The following CXADR variants were observed in gnomAD, a reference collection of about 807,000 sequenced individuals.
CXADR encodes coxsackievirus and adenovirus receptor.
In CXADR, 20 loss-of-function variants were observed where a neutral mutation model predicts 40.3. The ratio of observed to expected loss-of-function variants is 0.50; its 90% CI spans 0.35 to 0.72. CXADR has a LOEUF of 0.72. Ranked by LOEUF, CXADR falls within the 30% of genes least tolerant of loss-of-function variation. The probability of loss-of-function intolerance (pLI) is 0.01; values close to 1 mark genes in which losing one functional copy is unlikely to be tolerated. For synonymous variants in CXADR, 150 were observed against 161.3 expected (o/e 0.93, Z 0.53); for missense variants, 332 against 449.1 (o/e 0.74, Z 2.36).
intron 4 of CXADR, among the ~76,000 whole-genome samples, chr21:17,559,547 G>C (rs992988379): frequency 2.0e-5 from 3 of 151,624 alleles, no homozygotes; most frequent in South Asian, 4.2e-4. Flanking sequence ...AGAATAATCA[G>C]GATTTCCATA....
intron 7 of CXADR, among the ~76,000 whole-genome samples, chr21:17,579,693 T>C (rs2123376515): frequency 1.3e-5 from 2 of 152,226 alleles, no homozygotes; most frequent in South Asian, 4.1e-4. Context: ...AAATTTCGGA[T>C]GAAGAATGGG....
intron 4 of CXADR, among the ~76,000 whole-genome samples, chr21:17,560,109 A>G (rs1222967423): frequency 6.6e-6 from 1 of 152,180 alleles, no homozygotes; most frequent in Non-Finnish European, 1.5e-5. Flanking sequence ...GTAAATTAAA[A>G]GAAAACCCGT....
In CXADR at chr21:17,547,120, G is replaced by A. The variant is rs768609263; in HGVS notation, c.137G>A (p.Ser46Asn). 2.5e-6 allele frequency: 4 copies of A among 1,614,038 alleles called. No homozygotes were observed. Among genetic ancestry groups the A allele is most frequent in the East Asian group, 4.5e-5 (2 of 44,894 alleles). Residue 46 changes from serine to asparagine, a missense_variant, in exon 2 of 7, where the codon AGT becomes AAT. Physicochemically the swap from Ser to Asn is conservative, Grantham distance 46 (BLOSUM62 1). Coordinates refer to ENST00000284878, the MANE Select transcript of CXADR (RefSeq NM_001338.5). ...TATCTGCCATGCAAATTTACGCTTA[G>A]TCCCGAAGACCAGGGACCGCTGGAC... ...TAYLPCKFTL[S>N]PEDQGPLDIE... is the part of the protein sequence containing the mutation.
chr21:17,627,747 C>A, the CXADR span, among the ~76,000 whole-genome samples: 1 of 152,152 alleles, frequency 6.6e-6, no homozygotes, highest in Non-Finnish European at 1.5e-5. Flanking sequence ...CTTGTGGTTG[C>A]TACTCGGAAA....
At chr21:17,592,031 CTA>C (rs960070181) in intron 7 of CXADR, among the ~76,000 whole-genome samples, 11 of 151,870 alleles carry the variant, frequency 7.2e-5, no homozygotes, top group African/African-American at 1.9e-4. Flanking sequence ...GCAGAATCTT[CTA>C]TGAGTAATAA....
intron 5 of CXADR, among the ~76,000 whole-genome samples, 185 bp downstream of exon 5, chr21:17,561,009 T>A (rs1378450015): frequency 1.3e-5 from 2 of 152,210 alleles, no homozygotes; most frequent in Non-Finnish European, 2.9e-5. Flanking sequence ...TGCAATGATA[T>A]ATTAAGAAGG....
chr21:17,549,264 G>T (rs2060936243), intron 2 of CXADR, among the ~76,000 whole-genome samples: 1 of 152,172 alleles, frequency 6.6e-6, no homozygotes, highest in African/African-American at 2.4e-5. Context: ...TTTGAACCCA[G>T]GTCCCTCTGA....
intron 1 of CXADR, among the ~76,000 whole-genome samples, chr21:17,540,689 G>T (rs573214128): frequency 6.6e-6 from 1 of 152,164 alleles, no homozygotes; most frequent in Non-Finnish European, 1.5e-5. Flanking sequence ...TAATATCCTT[G>T]TACATATGAG....
chr21:17,552,054 AG>A, intron 3 of CXADR, 101 bp downstream of exon 3: 1 of 862,034 alleles, frequency 1.2e-6, no homozygotes, highest in Non-Finnish European at 1.8e-6. Flanking sequence ...TTAATTTTTT[AG>A]AATAACAATT....
chr21:17,546,922 C>T (rs780311028), intron 1 of CXADR, 105 bp from the exon 2 acceptor site: 15 of 1,372,002 alleles, frequency 1.1e-5, no homozygotes, highest in Non-Finnish European at 1.5e-5. Flanking sequence ...CAAACCCCGT[C>T]CTGTATCCCT....
At chr21:17,598,950 G>A in the CXADR span, 1 of 721,904 alleles carries the variant, frequency 1.4e-6, no homozygotes, top group Middle Eastern at 3.9e-4. Context: ...CACAGAACTT[G>A]ACCCTACACA....
intron 1 of CXADR, among the ~76,000 whole-genome samples, chr21:17,522,397 C>T (rs1160474342): frequency 6.6e-6 from 1 of 152,128 alleles, no homozygotes; most frequent in Admixed American, 6.5e-5. Flanking sequence ...ATCCGCCCGC[C>T]TCGGCCTCCG....
chr21:17,525,524 C>T (rs2060588301), intron 1 of CXADR, among the ~76,000 whole-genome samples: 1 of 152,210 alleles, frequency 6.6e-6, no homozygotes, highest in South Asian at 2.1e-4. Context: ...TTCAGTCTCT[C>T]TCACATGTAT....
the CXADR span, chr21:17,612,507 C>G: frequency 1.3e-5 from 2 of 150,392 alleles, no homozygotes; most frequent in Admixed American, 1.3e-4. Context: ...GCGGGCCGCC[C>G]TCGCGGCCCG....
intron 1 of CXADR, among the ~76,000 whole-genome samples, chr21:17,515,692 G>T (rs982120056): frequency 5.9e-5 from 9 of 152,112 alleles, no homozygotes; most frequent in Non-Finnish European, 1.0e-4. Flanking sequence ...GGCGCCTGTA[G>T]TACCAGCTGA....
the CXADR span, among the ~76,000 whole-genome samples, chr21:17,604,534 T>C: frequency 9.1e-4 from 139 of 152,294 alleles, 1 homozygote; most frequent in Non-Finnish European, 1.6e-3. Flanking sequence ...GCTTCTTAAT[T>C]TGAAGACAGA....
downstream of CXADR, chr21:17,594,227 C>T (rs192593680): frequency 1.5e-5 from 24 of 1,613,318 alleles, no homozygotes; most frequent in Admixed American, 2.5e-4. Flanking sequence ...CCAAATGGAA[C>T]AGGAGGAGGA....
rs1454421082 is a variant in CXADR, at chr21:17,547,334, A to C, written c.210+141A>C. The stretch of plus-strand genomic sequence containing the variant: ...CTTCTCAGGCTTTATGGTCTGGGTG[A>C]GGAAGGCAATTGCTCTGGTGGAAAT... On this transcript the variant is annotated intron_variant, in intron 2 of 6. Coordinates refer to ENST00000284878, the MANE Select transcript of CXADR (RefSeq NM_001338.5). 3 of 1,212,218 alleles carry C rather than the reference A, an allele frequency of 2.5e-6. No homozygotes were observed. The African/African-American group carries it at 4.6e-5, about 18-fold the overall frequency. The allele number at this position is 1,212,218 out of a possible 1,614,324, so 75.1% of individuals were successfully genotyped here. A position where few individuals can be genotyped will look rare whatever the true frequency, so the allele number is the denominator to read the frequency against.
At chr21:17,554,065 T>C (rs1000272677) in intron 3 of CXADR, among the ~76,000 whole-genome samples, 10 of 152,202 alleles carry the variant, frequency 6.6e-5, no homozygotes, top group African/African-American at 1.2e-4. Flanking sequence ...GCAGAAGATA[T>C]TTGATTATCG....
Sources: allele counts gnomAD v4.1 joint callset (sites outside exome capture counted in the v4.1 genomes callset), GRCh38; gene constraint gnomAD v4.1.1; transcripts MANE v1.5; gene names NCBI Gene and HGNC (gene_info 2026-07-23, HGNC 2026-07-21).